The following GRIK4 variants were observed in gnomAD, a reference collection of about 807,000 sequenced individuals.
The protein encoded by GRIK4 is glutamate receptor ionotropic, kainate 4.
GRIK4 carries 40 observed loss-of-function variants against 104.9 expected under a neutral mutation model. That is an observed-to-expected ratio of 0.38 (90% CI 0.30 to 0.50). The LOEUF (loss-of-function observed/expected upper bound fraction) is 0.50, where lower values mean the gene tolerates loss of function less well. Among genes scored for constraint, GRIK4 ranks in the 20% least tolerant of loss-of-function variants. The probability of loss-of-function intolerance (pLI) is 0.93; values close to 1 mark genes in which losing one functional copy is unlikely to be tolerated. For missense variants in GRIK4, 1,047 were observed against 1,308.1 expected (o/e 0.80, Z 3.08); for synonymous variants, 485 against 524.9 (o/e 0.92, Z 1.04).
chr11:120,975,592 C>T (rs115552021), intron 19 of GRIK4, among the ~76,000 whole-genome samples: 5,219 of 152,216 alleles, frequency 0.034, 297 homozygotes, highest in African/African-American at 0.12. Context: ...AACAAATCAT[C>T]GATTCAAACA....
At chr11:120,573,602 C>G (rs1463722301) in intron 1 of GRIK4, among the ~76,000 whole-genome samples, 1 of 152,178 alleles carries the variant, frequency 6.6e-6, no homozygotes, top group Non-Finnish European at 1.5e-5. Context: ...AGTTGGAGCA[C>G]TTGGGACTCA....
At chr11:120,544,820 G>A (rs898193735) in intron 1 of GRIK4, among the ~76,000 whole-genome samples, 1 of 152,150 alleles carries the variant, frequency 6.6e-6, no homozygotes, top group South Asian at 2.1e-4. Context: ...AGAATCAACA[G>A]AGATTCTTCA....
chr11:120,607,358 C>T (rs1948975621), intron 1 of GRIK4, among the ~76,000 whole-genome samples: 1 of 152,160 alleles, frequency 6.6e-6, no homozygotes, highest in African/African-American at 2.4e-5. Context: ...GTGTTTAGCA[C>T]CACAGCACGT....
intron 13 of GRIK4, among the ~76,000 whole-genome samples, chr11:120,914,200 G>T (rs1002696249): frequency 6.6e-6 from 1 of 152,240 alleles, no homozygotes; most frequent in African/African-American, 2.4e-5. Flanking sequence ...AGGAGTTCAG[G>T]ATCTACTCAA....
intron 1 of GRIK4, among the ~76,000 whole-genome samples, chr11:120,582,265 G>GTA (rs1238654280): frequency 2.8e-4 from 41 of 148,830 alleles, no homozygotes; most frequent in African/African-American, 8.2e-4. Context: ...TAAATAGTAT[G>GTA]TATATATATA....
At chr11:120,801,030 T>C (rs187986510) in intron 3 of GRIK4, among the ~76,000 whole-genome samples, 1 of 152,326 alleles carries the variant, frequency 6.6e-6, no homozygotes, top group Non-Finnish European at 1.5e-5. Flanking sequence ...ACAACTATTA[T>C]CACAATTTTA....
intron 13 of GRIK4, among the ~76,000 whole-genome samples, chr11:120,934,233 G>T (rs1943546596): frequency 6.8e-6 from 1 of 146,680 alleles, no homozygotes; most frequent in Non-Finnish European, 1.5e-5. Context: ...AAAAAAAAAG[G>T]TCAGCGTCAT....
At chr11:120,716,389 G>A (rs183124006) in intron 3 of GRIK4, among the ~76,000 whole-genome samples, 68 of 152,130 alleles carry the variant, frequency 4.5e-4, no homozygotes, top group African/African-American at 1.2e-3. Context: ...GATTACAGGC[G>A]CCTGCCACTG....
At chr11:120,520,267 C>T (rs1351592695) in intron 1 of GRIK4, among the ~76,000 whole-genome samples, 3 of 152,212 alleles carry the variant, frequency 2.0e-5, no homozygotes, top group Non-Finnish European at 4.4e-5. Flanking sequence ...CCAGAACCGG[C>T]ACCCTCAAGC....
At chr11:120,741,342 G>A (rs762858670) in intron 3 of GRIK4, among the ~76,000 whole-genome samples, 105 of 146,684 alleles carry the variant, frequency 7.2e-4, no homozygotes, top group Admixed American at 1.1e-3. Context: ...GCAGCGGTGC[G>A]ACCTTGACTT....
chr11:120,570,120 A>G (rs1005120246), intron 1 of GRIK4, among the ~76,000 whole-genome samples: 1 of 152,198 alleles, frequency 6.6e-6, no homozygotes, highest in African/African-American at 2.4e-5. Context: ...GGCGAGATGA[A>G]GCTTAGGCGA....
intron 1 of GRIK4, among the ~76,000 whole-genome samples, chr11:120,518,645 A>G (rs1190843864): frequency 6.6e-6 from 1 of 152,090 alleles, no homozygotes; most frequent in Non-Finnish European, 1.5e-5. Context: ...ATATTTTGAG[A>G]TGGAGTCTGG....
chr11:120,977,519 C>T (rs144305432), intron 19 of GRIK4, among the ~76,000 whole-genome samples: 31 of 152,338 alleles, frequency 2.0e-4, no homozygotes, highest in African/African-American at 7.0e-4. Context: ...TTCCCACTCC[C>T]CGCTCCATCT....
chr11:120,738,913 C>T (rs979610558), intron 3 of GRIK4, among the ~76,000 whole-genome samples: 4 of 152,204 alleles, frequency 2.6e-5, no homozygotes, highest in Non-Finnish European at 4.4e-5. Flanking sequence ...CTTTTGGAGA[C>T]GCAGCCGGTA....
chr11:120,794,539 C>A (rs1952473773), intron 3 of GRIK4, among the ~76,000 whole-genome samples: 1 of 151,870 alleles, frequency 6.6e-6, no homozygotes, highest in African/African-American at 2.4e-5. Flanking sequence ...TCCAGTTGGA[C>A]TTCTGTCTAC....
intron 1 of GRIK4, among the ~76,000 whole-genome samples, chr11:120,558,782 A>AT (rs1474063998): frequency 6.6e-6 from 1 of 152,154 alleles, no homozygotes; most frequent in Non-Finnish European, 1.5e-5. Context: ...GTTGGGGGGC[A>AT]TTTTAGGTTC....
At chr11:120,910,117 G>A (rs577556313) in intron 13 of GRIK4, among the ~76,000 whole-genome samples, 4 of 152,256 alleles carry the variant, frequency 2.6e-5, no homozygotes, top group South Asian at 2.1e-4. Flanking sequence ...GACCCTTACC[G>A]GGTGACAATG....
chr11:120,846,991 C>G (rs571960135), intron 8 of GRIK4, among the ~76,000 whole-genome samples: 16 of 152,288 alleles, frequency 1.1e-4, no homozygotes, highest in Middle Eastern at 6.8e-3. Context: ...TCTCTCACCA[C>G]CCCCTTACCC....
At chr11:120,932,660 C>T (rs999648245) in intron 13 of GRIK4, among the ~76,000 whole-genome samples, 4 of 152,134 alleles carry the variant, frequency 2.6e-5, no homozygotes, top group African/African-American at 4.8e-5. Flanking sequence ...TTCTGGGTAG[C>T]GTTTTCTCAT....
Sources: gnomAD v4.1 joint callset for allele counts (sites outside exome capture counted in the v4.1 genomes callset) on GRCh38, gnomAD v4.1.1 for gene constraint, MANE v1.5 for transcripts, NCBI Gene and HGNC (gene_info 2026-07-23, HGNC 2026-07-21) for gene names.